The following SCRN3 variants were observed in gnomAD, a reference collection of about 807,000 sequenced individuals.
The protein encoded by SCRN3 is secernin 3, also known as secernin-3.
SCRN3 carries 39 observed loss-of-function variants against 43.1 expected under a neutral mutation model. That is an observed-to-expected ratio of 0.91 (90% CI 0.70 to 1.18). SCRN3 has a LOEUF of 1.18. SCRN3 is among the 50% of genes most tolerant of loss of function. The pLI, the probability that SCRN3 is intolerant of heterozygous loss-of-function variation, is 0.00. For missense variants in SCRN3, 484 were observed against 498.0 expected, an observed-to-expected ratio of 0.97 and a Z score of 0.27; for synonymous variants, 147 against 163.1, an observed-to-expected ratio of 0.90 and a Z score of 0.75.
chr2:174,417,602 C>T (rs1686160780), intron 5 of SCRN3, among the ~76,000 whole-genome samples: 1 of 152,080 alleles, frequency 6.6e-6, no homozygotes, highest in South Asian at 2.1e-4. Context: ...ATTTTGTTGG[C>T]CAGGCTGGTG....
At chr2:174,414,765 C>CTTT (rs553055709) in intron 5 of SCRN3, among the ~76,000 whole-genome samples, 24 of 131,162 alleles carry the variant, frequency 1.8e-4, no homozygotes, top group Non-Finnish European at 2.5e-4. Context: ...TTTCTATTTT[C>CTTT]TTTTTTTTTT....
chr2:174,423,071 C>A lies in SCRN3; in HGVS notation c.917+24C>A, dbSNP rs747115497. 3 of 1,598,148 alleles carry A rather than the reference C, an allele frequency of 1.9e-6. No individual in the cohort carries two copies. In the African/African-American group the frequency reaches 4.0e-5, roughly 21 times the overall value. On this transcript the variant is annotated intron_variant, in intron 6 of 7. Transcript: ENST00000272732. ...AGGTGAAGCCACAAAATACTATAAA[C>A]CAGCAAGGGGTCAGGGGATGGAGTA...
At chr2:174,407,652 A>G (rs1685744734) in intron 5 of SCRN3, among the ~76,000 whole-genome samples, 2 of 125,788 alleles carry the variant, frequency 1.6e-5, no homozygotes, top group African/African-American at 3.2e-5. Context: ...AGATTCTGGT[A>G]TGTTGTGTCT....
chr2:174,415,653 A>C (rs1346877000), intron 5 of SCRN3, among the ~76,000 whole-genome samples: 1 of 152,126 alleles, frequency 6.6e-6, no homozygotes, highest in Non-Finnish European at 1.5e-5. Context: ...GTATTAAAAA[A>C]ATTTTTTTTG....
intron 5 of SCRN3, among the ~76,000 whole-genome samples, chr2:174,414,715 G>A (rs1481580444): frequency 6.7e-6 from 1 of 149,902 alleles, no homozygotes; most frequent in Non-Finnish European, 1.5e-5. Context: ...TATATAACAT[G>A]CTTATAGCTT....
intron 7 of SCRN3, among the ~76,000 whole-genome samples, chr2:174,425,918 T>C (rs1182236057): frequency 6.6e-6 from 1 of 152,194 alleles, no homozygotes; most frequent in Non-Finnish European, 1.5e-5. Context: ...CCTTCTCCTA[T>C]GTCTATTGGT....
In SCRN3 at chr2:174,406,512, A is replaced by G. The variant is rs1426029550; in HGVS notation, c.754+2197A>G. Reference sequence around the variant, plus strand: ...AACACTATGTTGAATAGGAGTGGTCAGAGAGGGCATCCCTGTCTTGTGCCA... The same window carrying G: ...AACACTATGTTGAATAGGAGTGGTCGGAGAGGGCATCCCTGTCTTGTGCCA... On this transcript the variant is annotated intron_variant, in intron 5 of 7. Transcript: ENST00000272732. Among the ~76,000 whole-genome samples, 3 of 148,784 alleles carry G rather than the reference A, an allele frequency of 2.0e-5. No individual in the cohort carries two copies. In the Admixed American group the frequency reaches 2.0e-4, roughly 10 times the overall value.
At chr2:174,409,266 C>T (rs1174783347) in intron 5 of SCRN3, among the ~76,000 whole-genome samples, 1 of 137,760 alleles carries the variant, frequency 7.3e-6, no homozygotes, top group African/African-American at 2.5e-5. Context: ...CCTGAGGCTT[C>T]TGCATTCTTC....
intron 1 of SCRN3, among the ~76,000 whole-genome samples, chr2:174,396,691 G>A (rs548172933): frequency 1.3e-5 from 2 of 152,036 alleles, no homozygotes; most frequent in Admixed American, 1.3e-4. Context: ...CCAGCTACTC[G>A]GGAGGTTGAG....
In SCRN3 at chr2:174,399,987, G is replaced by A; in HGVS notation, c.225G>A (p.Trp75Ter). Residue 75 changes from tryptophan to a stop codon, truncating the protein, a stop_gained, in exon 3 of 8, where the codon TGG becomes TGA. Transcript: ENST00000272732. LOFTEE classifies it high-confidence loss of function. ...TYAVVLSRPA[W>*]LWGAEMGANE... ...CTGTTGTCCTGAGTCGCCCAGCGTG[G>A]TTGTGGGGGGCAGAAATGGGAGCCA... 5 of 1,597,354 alleles carry A rather than the reference G, an allele frequency of 3.1e-6. No homozygotes were observed. The highest frequency in any genetic ancestry group is 4.3e-6 in the Non-Finnish European group (5 of 1,173,714).
intron 5 of SCRN3, among the ~76,000 whole-genome samples, chr2:174,406,396 G>A (rs552138014): frequency 0.13 from 16,681 of 126,338 alleles, 1,464 homozygotes; most frequent in South Asian, 0.21. Context: ...CAATCATGTC[G>A]TCTGCAAACA....
At chr2:174,405,620 G>C (rs1401772132) in intron 5 of SCRN3, among the ~76,000 whole-genome samples, 1 of 142,198 alleles carries the variant, frequency 7.0e-6, no homozygotes, top group Non-Finnish European at 1.6e-5. Flanking sequence ...AATCCATCTT[G>C]AATTGATTTT....
At chr2:174,410,305 C>A (rs1429133865) in intron 5 of SCRN3, 2 of 150,994 alleles carry the variant, frequency 1.3e-5, no homozygotes, top group Non-Finnish European at 3.0e-5. Flanking sequence ...CAATGCCTCG[C>A]CCTGCTTCGG....
At chr2:174,400,847 A>C (rs1685483504) in intron 3 of SCRN3, 143 bp from the exon 4 acceptor site, 5 of 700,962 alleles carry the variant, frequency 7.1e-6, no homozygotes, top group African/African-American at 1.8e-5. Flanking sequence ...TTCAGAAGGA[A>C]AAGTTTTAAA....
intron 7 of SCRN3, among the ~76,000 whole-genome samples, chr2:174,425,849 A>T (rs1405065752): frequency 6.6e-6 from 1 of 152,118 alleles, no homozygotes; most frequent in Admixed American, 6.5e-5. Flanking sequence ...TGTGTTAGGG[A>T]GAGTCAATCC....
At chr2:174,421,243 G>A (rs910114443) in intron 5 of SCRN3, among the ~76,000 whole-genome samples, 2 of 152,126 alleles carry the variant, frequency 1.3e-5, no homozygotes, top group Non-Finnish European at 2.9e-5. Flanking sequence ...AAAAATAGAG[G>A]TGAAATAAAA....
intron 5 of SCRN3, among the ~76,000 whole-genome samples, chr2:174,414,183 CACTT>C (rs1686024859): frequency 6.6e-6 from 1 of 152,112 alleles, no homozygotes; most frequent in Non-Finnish European, 1.5e-5. Context: ...GATAGGAGCT[CACTT>C]AGCCACATTG....
At chr2:174,396,973 G>C (rs1685343090) in intron 1 of SCRN3, 1 of 582,968 alleles carries the variant, frequency 1.7e-6, no homozygotes, top group African/African-American at 2.0e-5. Context: ...TTATTTTTCT[G>C]ATGAGGCAGA....
rs778402418 is a variant in SCRN3 at position 174,418,662 on chromosome 2, T to C, written c.755-4223T>C. On this transcript the variant is annotated intron_variant, in intron 5 of 7. Coordinates refer to ENST00000272732, the MANE Select transcript of SCRN3 (RefSeq NM_024583.5). ...AAATATTTTCATAATACCTGTATTA[T>C]CACAGTATTATGGTTCTGACACTGT... 2.6e-5 allele frequency among the ~76,000 whole-genome samples: 4 copies of C among 152,218 alleles called. No individual in the cohort carries two copies. The South Asian group carries it at 8.3e-4, about 32-fold the overall frequency.
Sources: gnomAD v4.1 joint callset for allele counts (sites outside exome capture counted in the v4.1 genomes callset) on GRCh38, gnomAD v4.1.1 for gene constraint, MANE v1.5 for transcripts, NCBI Gene and HGNC (gene_info 2026-07-23, HGNC 2026-07-21) for gene names.